ST6GALNAC3: variants seen among roughly 807,000 people sequenced by gnomAD.
ST6GALNAC3 encodes ST6 N-acetylgalactosaminide alpha-2,6-sialyltransferase 3.
A neutral mutation model predicts 32.7 loss-of-function variants in ST6GALNAC3; 25 were observed. The ratio of observed to expected loss-of-function variants is 0.76; its 90% CI spans 0.56 to 1.07. The LOEUF is 1.07. ST6GALNAC3 is among the 50% of genes least tolerant of loss of function. The probability of loss-of-function intolerance (pLI) is 0.00; values close to 1 mark genes in which losing one functional copy is unlikely to be tolerated. For missense variants in ST6GALNAC3, 355 were observed against 382.4 expected (o/e 0.93, Z 0.60); for synonymous variants, 129 against 133.1 (o/e 0.97, Z 0.21).
chr1:76,313,675 A>G, intron 1 of ST6GALNAC3, 130 bp from the exon 2 acceptor site: 1 of 1,013,238 alleles, frequency 9.9e-7, no homozygotes, highest in Non-Finnish European at 1.5e-6. Context: ...ATTTCCAGGT[A>G]AAATATGCTG....
intron 1 of ST6GALNAC3, among the ~76,000 whole-genome samples, chr1:76,245,179 G>A (rs970401107): frequency 6.6e-6 from 1 of 152,102 alleles, no homozygotes; most frequent in Non-Finnish European, 1.5e-5. Flanking sequence ...ATGTGTCCAG[G>A]AATTTATCCA....
At chr1:76,095,725 A>G (rs1647120181) in intron 1 of ST6GALNAC3, among the ~76,000 whole-genome samples, 1 of 152,154 alleles carries the variant, frequency 6.6e-6, no homozygotes, top group Non-Finnish European at 1.5e-5. Flanking sequence ...TTAGTATTCT[A>G]GTGTTGAGTG....
intron 3 of ST6GALNAC3, among the ~76,000 whole-genome samples, chr1:76,583,929 T>A (rs1264959754): frequency 6.6e-6 from 1 of 152,224 alleles, no homozygotes; most frequent in African/African-American, 2.4e-5. Flanking sequence ...TCCATATTTT[T>A]TTCAGGTAAA....
intron 1 of ST6GALNAC3, among the ~76,000 whole-genome samples, chr1:76,158,161 C>G (rs994679648): frequency 1.8e-4 from 28 of 152,246 alleles, no homozygotes; most frequent in Non-Finnish European, 3.5e-4. Flanking sequence ...GGTTGTGAGT[C>G]AGCCTCTGCA....
chr1:76,161,532 A>G (rs1332902971), intron 1 of ST6GALNAC3, among the ~76,000 whole-genome samples: 1 of 151,948 alleles, frequency 6.6e-6, no homozygotes, highest in Non-Finnish European at 1.5e-5. Flanking sequence ...TAATGGTGGG[A>G]CCTCTGGAGA....
intron 1 of ST6GALNAC3, among the ~76,000 whole-genome samples, chr1:76,250,805 A>G (rs1657565348): frequency 9.9e-6 from 1 of 101,358 alleles, no homozygotes; most frequent in Non-Finnish European, 2.5e-5. Context: ...ATACACATAC[A>G]AAATAATTAG....
rs192277668 is a variant in ST6GALNAC3, at chr1:76,081,854, C to T, written c.18+6970C>T. Among the ~76,000 whole-genome samples the T allele has an allele frequency of 2.0e-4, 31 of 152,288 alleles. No individual in the cohort carries two copies. The East Asian group carries it at 5.8e-3, about 28-fold the overall frequency. On this transcript the variant is annotated intron_variant, in intron 1 of 4. Transcript: ENST00000328299. ...CCACAAATCGTATACATTTCAGGCT[C>T]CCCAACATAGATCTGTCCCTTGGGT...
intron 3 of ST6GALNAC3, among the ~76,000 whole-genome samples, chr1:76,622,603 A>G (rs1251221943): frequency 1.3e-5 from 2 of 151,902 alleles, no homozygotes; most frequent in Non-Finnish European, 2.9e-5. Flanking sequence ...TAAAATGTAT[A>G]AGAGAACTGC....
intron 1 of ST6GALNAC3, among the ~76,000 whole-genome samples, chr1:76,255,904 T>G (rs764587600): frequency 2.6e-5 from 4 of 151,930 alleles, no homozygotes; most frequent in Non-Finnish European, 4.4e-5. Context: ...AAAATAAAGA[T>G]CAAATACATT....
chr1:76,298,023 T>A (rs1030917490), intron 1 of ST6GALNAC3, among the ~76,000 whole-genome samples: 2 of 151,916 alleles, frequency 1.3e-5, no homozygotes, highest in Non-Finnish European at 2.9e-5. Flanking sequence ...ATGGAATTTA[T>A]CAAGAACCAC....
chr1:76,327,345 G>C (rs779580812), intron 2 of ST6GALNAC3, among the ~76,000 whole-genome samples: 21 of 151,412 alleles, frequency 1.4e-4, no homozygotes, highest in Non-Finnish European at 2.4e-4. Context: ...TATTGAGAAG[G>C]AGATATTTTA....
At chr1:76,176,285 C>A (rs1196896214) in intron 1 of ST6GALNAC3, among the ~76,000 whole-genome samples, 1 of 152,188 alleles carries the variant, frequency 6.6e-6, no homozygotes, top group Non-Finnish European at 1.5e-5. Context: ...GCCCAGACGG[C>A]ATCAGTATTT....
intron 3 of ST6GALNAC3, among the ~76,000 whole-genome samples, chr1:76,601,292 CT>C (rs1165393203): frequency 1.3e-5 from 2 of 152,058 alleles, no homozygotes; most frequent in Non-Finnish European, 2.9e-5. Context: ...GTTATTTTTG[CT>C]CTTTATTTTC....
intron 1 of ST6GALNAC3, among the ~76,000 whole-genome samples, chr1:76,310,553 C>T (rs1570775328): frequency 6.6e-6 from 1 of 152,184 alleles, no homozygotes; most frequent in East Asian, 1.9e-4. Context: ...TCGCTGACTC[C>T]TGGGGGCTGG....
intron 3 of ST6GALNAC3, among the ~76,000 whole-genome samples, chr1:76,440,513 A>C (rs1347232791): frequency 6.6e-6 from 1 of 152,232 alleles, no homozygotes; most frequent in Non-Finnish European, 1.5e-5. Flanking sequence ...CAAGGGCAAA[A>C]TATCCACTGC....
At chr1:76,142,893 C>G (rs760495676) in intron 1 of ST6GALNAC3, 2 of 454,996 alleles carry the variant, frequency 4.4e-6, no homozygotes, top group Admixed American at 2.4e-5. Context: ...TGGGTCAATT[C>G]ACATGGAGGA....
In ST6GALNAC3 at chr1:76,628,719, T is replaced by C. The variant is rs1022372434; in HGVS notation, c.831T>C (p.His277=). Residue 277 remains histidine, a synonymous_variant, in exon 5 of 5, where the codon CAT becomes CAC. Coordinates refer to ENST00000328299, the MANE Select transcript of ST6GALNAC3 (RefSeq NM_152996.4). The stretch of plus-strand genomic sequence containing the variant: ...ATGAACATGCCCCATATGGGGGTCA[T>C]AGGTTTATCACTGAAAAGAAAGTGT... The part of the protein sequence containing the change: ...FLHEHAPYGG[H]RFITEKKVFA... The C allele has an allele frequency of 5.0e-6, 8 of 1,612,554 alleles. No homozygotes were observed. Among genetic ancestry groups the C allele is most frequent in the Admixed American group, 1.7e-5 (1 of 59,928 alleles).
chr1:76,488,371 G>A (rs1030271301), intron 3 of ST6GALNAC3, among the ~76,000 whole-genome samples: 1 of 152,002 alleles, frequency 6.6e-6, no homozygotes, highest in Non-Finnish European at 1.5e-5. Flanking sequence ...GGCCTCCCTA[G>A]AAGCCAACCA....
intron 1 of ST6GALNAC3, among the ~76,000 whole-genome samples, chr1:76,078,113 T>C (rs1049689028): frequency 2.0e-5 from 3 of 152,174 alleles, no homozygotes; most frequent in African/African-American, 7.2e-5. Context: ...CTAAATAGGA[T>C]TTACTATGAC....
Sources: gnomAD v4.1 joint callset for allele counts (sites outside exome capture counted in the v4.1 genomes callset) on GRCh38, gnomAD v4.1.1 for gene constraint, MANE v1.5 for transcripts, NCBI Gene and HGNC (gene_info 2026-07-23, HGNC 2026-07-21) for gene names.